ZC3H18: variants seen among roughly 807,000 people sequenced by gnomAD.
ZC3H18 encodes zinc finger CCCH domain-containing protein 18.
Under a neutral mutation model 106.1 loss-of-function variants are expected in ZC3H18, and 8 were observed. That is an observed-to-expected ratio of 0.08 (90% CI 0.04 to 0.14). The LOEUF (loss-of-function observed/expected upper bound fraction) is 0.14. Ranked by LOEUF, ZC3H18 falls within the 10% of genes least tolerant of loss-of-function variation. The pLI is 1.00. For missense variants in ZC3H18, 1,318 were observed against 1,278.4 expected, an observed-to-expected ratio of 1.03 and a Z score of -0.47; for synonymous variants, 635 against 522.1, an observed-to-expected ratio of 1.22 and a Z score of -2.95.
intron 2 of ZC3H18, among the ~76,000 whole-genome samples, chr16:88,583,544 A>G (rs1223680859): frequency 6.6e-6 from 1 of 152,222 alleles, no homozygotes; most frequent in East Asian, 1.9e-4. Context: ...TGGACCCAGG[A>G]TTTGAACCTG....
At chr16:88,620,559 CAG>C (rs1018439505) in intron 8 of ZC3H18, among the ~76,000 whole-genome samples, 1 of 146,744 alleles carries the variant, frequency 6.8e-6, no homozygotes, top group African/African-American at 2.5e-5. Flanking sequence ...ACATGGGTAA[CAG>C]AGCAAGACCC....
chr16:88,608,841 C>T lies in ZC3H18; in HGVS notation c.1089-93C>T, dbSNP rs528013558. ...TCCTGGAGTAAACCCCACTGCGTCA[C>T]GGTCTGTTACTTTCTGTCCCTAATG... On this transcript the variant is annotated intron_variant, in intron 6 of 17. Coordinates refer to ENST00000301011, the MANE Select transcript of ZC3H18 (RefSeq NM_144604.4). The T allele has an allele frequency of 1.4e-4, 151 of 1,063,236 alleles. 2 individuals carry two copies. Among genetic ancestry groups the T allele is most frequent in the South Asian group, 3.0e-5 (2 of 65,994 alleles). 65.9% of individuals were successfully genotyped at this position (1,063,236 alleles called of 1,614,324 possible). A position where few individuals can be genotyped will look rare whatever the true frequency, so the allele number is the denominator to read the frequency against.
rs369536780 is a variant in ZC3H18 at position 88,625,256 on chromosome 16, C to T, written c.2097C>T (p.Ser699=). 8 of 1,591,354 alleles carry T rather than the reference C, an allele frequency of 5.0e-6. No individual in the cohort carries two copies. The highest frequency in any genetic ancestry group is 6.8e-6 in the Non-Finnish European group (8 of 1,169,176). Residue 699 remains serine (S), a synonymous_variant, in exon 13 of 18, where the codon AGC becomes AGT. Transcript: ENST00000301011. The part of the protein sequence containing the change: ...SGSGSSYSGS[S]SRSRSLSVSS... Reference sequence around the variant, plus strand: ...GTGGTAGCAGCTATAGTGGTTCCAGCTCCCGATCCAGGTCATCCCCATCAC... The same window carrying T: ...GTGGTAGCAGCTATAGTGGTTCCAGTTCCCGATCCAGGTCATCCCCATCAC...
intron 3 of ZC3H18, among the ~76,000 whole-genome samples, chr16:88,589,899 A>G (rs879589138): frequency 6.6e-6 from 1 of 152,360 alleles, no homozygotes; most frequent in East Asian, 1.9e-4. Context: ...CAACTTTGTG[A>G]ATATACTGCA....
At chr16:88,624,197 GTGAC>G in intron 11 of ZC3H18, 135 bp downstream of exon 11, 1 of 1,265,790 alleles carries the variant, frequency 7.9e-7, no homozygotes, top group Non-Finnish European at 1.1e-6. Flanking sequence ...GCCCCAGGGG[GTGAC>G]TGGGCTGGGA....
intron 2 of ZC3H18, 78 bp from the exon 3 acceptor site, chr16:88,586,522 C>T (rs991107451): frequency 2.5e-6 from 3 of 1,215,978 alleles, no homozygotes; most frequent in South Asian, 1.2e-5. Context: ...ACGCAGCTTC[C>T]TGCCCCTTCT....
intron 3 of ZC3H18, among the ~76,000 whole-genome samples, chr16:88,591,290 ATAAT>A (rs1915737623): frequency 6.6e-6 from 1 of 151,086 alleles, no homozygotes; most frequent in Non-Finnish European, 1.5e-5. Flanking sequence ...TTAAGACTGA[ATAAT>A]AGGTGCGGTG....
chr16:88,617,243 C>T (rs1278414049), intron 8 of ZC3H18, among the ~76,000 whole-genome samples: 2 of 151,332 alleles, frequency 1.3e-5, no homozygotes, highest in Non-Finnish European at 1.5e-5. Flanking sequence ...CCGTCGGGAT[C>T]TCATCCCCAT....
intron 1 of ZC3H18, among the ~76,000 whole-genome samples, chr16:88,573,670 A>T (rs1914551354): frequency 6.6e-6 from 1 of 151,884 alleles, no homozygotes; most frequent in Non-Finnish European, 1.5e-5. Flanking sequence ...CCTCAACCAC[A>T]CAAGTAGCCG....
At chr16:88,570,997 G>C (rs945051917) in intron 1 of ZC3H18, among the ~76,000 whole-genome samples, 1 of 152,198 alleles carries the variant, frequency 6.6e-6, no homozygotes, top group Non-Finnish European at 1.5e-5. Context: ...AGCTCTTTAT[G>C]AACCTCCTGG....
rs529326795 is a variant in ZC3H18 at position 88,589,926 on chromosome 16, A to G, written c.688+3242A>G. Reference sequence around the variant, plus strand: ...TATACTGCAAACCAGTGAATTGTACACATTAAATGGGAGTATTTTATGTTA... The same window carrying G: ...TATACTGCAAACCAGTGAATTGTACGCATTAAATGGGAGTATTTTATGTTA... On this transcript the variant is annotated intron_variant, in intron 3 of 17. Transcript: ENST00000301011. Among the ~76,000 whole-genome samples the G allele has an allele frequency of 5.3e-5, 8 of 152,370 alleles. No individual in the cohort carries two copies. In the South Asian group the frequency reaches 1.7e-3, roughly 32 times the overall value.
chr16:88,614,679 A>G (rs1189958052), intron 8 of ZC3H18, among the ~76,000 whole-genome samples: 2 of 152,228 alleles, frequency 1.3e-5, no homozygotes, highest in African/African-American at 4.8e-5. Flanking sequence ...TGTTACAGTA[A>G]TCTCTAAGTT....
At position 88,609,801 on chromosome 16, in the gene ZC3H18, G is replaced by A. The variant is rs531916114; in HGVS notation, c.1206+750G>A. Among the ~76,000 whole-genome samples the A allele has an allele frequency of 2.0e-4, 28 of 142,556 alleles. No individual in the cohort carries two copies. The South Asian group carries it at 5.0e-3, about 25-fold the overall frequency. The allele number at this position is 142,556 out of a possible 152,430, so 93.5% of individuals were successfully genotyped here. ...TTTTTAGTAGAGACAGGGTTTTGCC[G>A]TGTTGGTCAGGCTGGTCTCAAACTT... On this transcript the variant is annotated intron_variant, in intron 7 of 17. Coordinates refer to ENST00000301011, the MANE Select transcript of ZC3H18 (RefSeq NM_144604.4).
At chr16:88,620,605 C>T (rs1372730109) in intron 8 of ZC3H18, among the ~76,000 whole-genome samples, 1 of 149,260 alleles carries the variant, frequency 6.7e-6, no homozygotes, top group Non-Finnish European at 1.5e-5. Context: ...AAAAAAGCCA[C>T]GTTCTGCTTA....
In ZC3H18 at chr16:88,621,794, T is replaced by C. The variant is rs561560650; in HGVS notation, c.1476-403T>C. 9.2e-5 allele frequency among the ~76,000 whole-genome samples: 14 copies of C among 152,374 alleles called. No homozygotes were observed. The South Asian group carries it at 2.7e-3, about 29-fold the overall frequency. On this transcript the variant is annotated intron_variant, in intron 8 of 17. Transcript: ENST00000301011. ...GCGTGTGCCACCATACCTGGGCTTA[T>C]TTCATAAATATTTATTATGAACCTA... is the stretch of plus-strand genomic sequence containing the variant.
intron 16 of ZC3H18, among the ~76,000 whole-genome samples, chr16:88,629,064 C>T (rs978051990): frequency 4.6e-5 from 7 of 152,238 alleles, no homozygotes; most frequent in Non-Finnish European, 5.9e-5. Flanking sequence ...CAGGACCGGG[C>T]GTGGTGGCTC....
chr16:88,602,366 C>T (rs944735577), intron 6 of ZC3H18, among the ~76,000 whole-genome samples: 42 of 152,194 alleles, frequency 2.8e-4, no homozygotes, highest in Non-Finnish European at 4.9e-4. Context: ...CACAGCAGGC[C>T]GAGGTCAGGG....
chr16:88,606,508 G>A (rs1179365379), intron 6 of ZC3H18, among the ~76,000 whole-genome samples: 2 of 152,206 alleles, frequency 1.3e-5, no homozygotes. Context: ...TCTTGTCAGA[G>A]AACACACGCC....
rs78106357 is a variant in ZC3H18 at position 88,580,603 on chromosome 16, T to G, written c.603+2877T>G. ...GTCGTCCACTCTTGCATCTCTGCCG[T>G]ATCTCCACCAAGCCCACCTCCTGTG... On this transcript the variant is annotated intron_variant, in intron 2 of 17. Transcript: ENST00000301011. 9.8e-3 allele frequency among the ~76,000 whole-genome samples: 1,485 copies of G among 152,228 alleles called. 9 individuals carry two copies. Among genetic ancestry groups the G allele is most frequent in the Non-Finnish European group, 0.016 (1,106 of 68,016 alleles).
Sources: allele counts gnomAD v4.1 joint callset (sites outside exome capture counted in the v4.1 genomes callset), GRCh38; gene constraint gnomAD v4.1.1; transcripts MANE v1.5; gene names NCBI Gene and HGNC (gene_info 2026-07-23, HGNC 2026-07-21).